PPP2R2B: variants seen among roughly 807,000 people sequenced by gnomAD.
PPP2R2B encodes serine/threonine-protein phosphatase 2A 55 kDa regulatory subunit B beta isoform.
In PPP2R2B, 5 loss-of-function variants were observed where a neutral mutation model predicts 46.0. That is an observed-to-expected ratio of 0.11 (90% CI 0.06 to 0.23). The LOEUF (loss-of-function observed/expected upper bound fraction) is 0.23, where lower values mean the gene tolerates loss of function less well. Ranked by LOEUF, PPP2R2B falls within the 10% of genes least tolerant of loss-of-function variation. The pLI is 1.00. For missense variants in PPP2R2B, 367 were observed against 575.0 expected (o/e 0.64, Z 3.70); for synonymous variants, 215 against 206.7 (o/e 1.04, Z -0.34).
intron 2 of PPP2R2B, among the ~76,000 whole-genome samples, chr5:146,740,579 AC>A (rs1752811654): frequency 3.8e-5 from 1 of 26,450 alleles, no homozygotes; most frequent in Non-Finnish European, 7.5e-5. Context: ...GAGATCACAC[AC>A]ACACACACAC....
intron 2 of PPP2R2B, among the ~76,000 whole-genome samples, chr5:146,777,185 C>T (rs1209559203): frequency 6.6e-6 from 1 of 152,074 alleles, no homozygotes; most frequent in Non-Finnish European, 1.5e-5. Context: ...AATGTTCATG[C>T]AGCATTATTC....
intron 2 of PPP2R2B, among the ~76,000 whole-genome samples, chr5:146,742,587 T>C (rs940748142): frequency 6.6e-6 from 1 of 152,180 alleles, no homozygotes; most frequent in Non-Finnish European, 1.5e-5. Flanking sequence ...GAGAATAGAT[T>C]TATAGTATAA....
At chr5:147,043,789 G>A (rs1211478074) in intron 1 of PPP2R2B, among the ~76,000 whole-genome samples, 1 of 152,092 alleles carries the variant, frequency 6.6e-6, no homozygotes, top group Non-Finnish European at 1.5e-5. Context: ...TTACTTAGGG[G>A]CAGTCAGTTG....
chr5:146,815,615 G>A (rs1483748487), intron 2 of PPP2R2B, among the ~76,000 whole-genome samples: 1 of 152,220 alleles, frequency 6.6e-6, no homozygotes, highest in Non-Finnish European at 1.5e-5. Context: ...AAAGGCATTT[G>A]AATTCAAATT....
At chr5:146,812,828 T>TATATATATAC (rs1367189583) in intron 2 of PPP2R2B, among the ~76,000 whole-genome samples, 2 of 79,650 alleles carry the variant, frequency 2.5e-5, no homozygotes, top group Admixed American at 1.4e-4. Context: ...TATATATATA[T>TATATATATAC]ACACACACAT....
chr5:146,681,095 G>A (rs149167282), intron 5 of PPP2R2B, among the ~76,000 whole-genome samples: 61 of 152,232 alleles, frequency 4.0e-4, no homozygotes, highest in African/African-American at 1.4e-3. Context: ...GGCTTGCAAC[G>A]TACTAGGATC....
Position 146,973,544 on chromosome 5 carries a change from AC to A in PPP2R2B, c.79+82120del, listed in dbSNP as rs1447098232. ...TGAGTCACACTGGGTTAGTGGCATT[AC>A]TTTAAATCTACAGTTAGAGCTACAA... On this transcript the variant is annotated intron_variant, in intron 1 of 8. Transcript: ENST00000336640. 3.3e-5 allele frequency among the ~76,000 whole-genome samples: 5 copies of A among 152,338 alleles called. No individual in the cohort carries two copies. In the East Asian group the frequency reaches 9.6e-4, roughly 29 times the overall value.
intron 1 of PPP2R2B, among the ~76,000 whole-genome samples, chr5:146,936,365 C>G (rs2151825880): frequency 6.6e-6 from 1 of 151,910 alleles, no homozygotes. Context: ...CACTCCCCCT[C>G]TGAGTGGGCA....
At chr5:146,948,967 G>A (rs147398133) in intron 1 of PPP2R2B, among the ~76,000 whole-genome samples, 2 of 152,184 alleles carry the variant, frequency 1.3e-5, no homozygotes, top group Admixed American at 6.6e-5. Context: ...GGGCACCCAT[G>A]GAGCTTCTGA....
intron 5 of PPP2R2B, among the ~76,000 whole-genome samples, chr5:146,690,184 G>A (rs768427176): frequency 6.6e-6 from 1 of 152,122 alleles, no homozygotes; most frequent in Non-Finnish European, 1.5e-5. Flanking sequence ...GTTTTACAAG[G>A]CTGTTGGGGC....
At chr5:146,690,956 A>G (rs929822068) in intron 5 of PPP2R2B, among the ~76,000 whole-genome samples, 172 bp downstream of exon 5, 5 of 152,232 alleles carry the variant, frequency 3.3e-5, no homozygotes, top group African/African-American at 1.2e-4. Flanking sequence ...AAGGCTTGGC[A>G]CCTTTCCTGC....
chr5:147,011,729 C>G (rs1354528942), intron 1 of PPP2R2B, among the ~76,000 whole-genome samples: 2 of 149,864 alleles, frequency 1.3e-5, no homozygotes, highest in African/African-American at 2.5e-5. Context: ...ACAGATAGCT[C>G]TTATTATTTT....
chr5:146,996,118 T>G (rs575353795), intron 1 of PPP2R2B, among the ~76,000 whole-genome samples: 1 of 152,274 alleles, frequency 6.6e-6, no homozygotes, highest in Admixed American at 6.5e-5. Flanking sequence ...TGTGTACAGG[T>G]GTGCTCAGAA....
chr5:146,836,861 C>T (rs775065789), intron 2 of PPP2R2B, among the ~76,000 whole-genome samples: 1 of 152,200 alleles, frequency 6.6e-6, no homozygotes, highest in African/African-American at 2.4e-5. Flanking sequence ...AACTTGCCTT[C>T]TGCATCAAAA....
At chr5:146,680,406 G>GGC (rs1778077989) in intron 5 of PPP2R2B, among the ~76,000 whole-genome samples, 1 of 91,248 alleles carries the variant, frequency 1.1e-5, no homozygotes, top group Non-Finnish European at 1.9e-5. Context: ...GGGGTGGGGT[G>GGC]GGGAGGGAGG....
chr5:146,800,597 G>T (rs576479826), intron 2 of PPP2R2B, among the ~76,000 whole-genome samples: 1 of 117,146 alleles, frequency 8.5e-6, no homozygotes, highest in East Asian at 3.0e-4. Flanking sequence ...ACTCCCAAGA[G>T]AAGAAATCTG....
chr5:146,676,697 C>T (rs1777739967), intron 5 of PPP2R2B, among the ~76,000 whole-genome samples: 1 of 152,118 alleles, frequency 6.6e-6, no homozygotes, highest in Non-Finnish European at 1.5e-5. Flanking sequence ...CATGCTTTTT[C>T]CAACCCAAAG....
intron 2 of PPP2R2B, among the ~76,000 whole-genome samples, chr5:146,786,139 T>C (rs1007471823): frequency 2.0e-5 from 3 of 152,102 alleles, no homozygotes; most frequent in African/African-American, 7.2e-5. Context: ...AAATATCACA[T>C]GTACCCCATA....
At chr5:146,747,463 A>T (rs1161773170) in intron 2 of PPP2R2B, among the ~76,000 whole-genome samples, 1 of 152,230 alleles carries the variant, frequency 6.6e-6, no homozygotes, top group African/African-American at 2.4e-5. Flanking sequence ...TTGAGTGAAC[A>T]ATAGTGATAT....
Sources: allele counts gnomAD v4.1 joint callset (sites outside exome capture counted in the v4.1 genomes callset), GRCh38; gene constraint gnomAD v4.1.1; transcripts MANE v1.5; gene names NCBI Gene and HGNC (gene_info 2026-07-23, HGNC 2026-07-21).